Variants in C4orf33 observed in about 807,000 individuals in gnomAD.
The protein encoded by C4orf33 is UPF0462 protein C4orf33.
Under a neutral mutation model 24.3 loss-of-function variants are expected in C4orf33, and 20 were observed. That is an observed-to-expected ratio of 0.82 (90% CI 0.58 to 1.19). C4orf33 has a LOEUF of 1.19. C4orf33 is among the 50% of genes most tolerant of loss of function. The probability of loss-of-function intolerance (pLI) is 0.00; values close to 1 mark genes in which losing one functional copy is unlikely to be tolerated. For missense variants in C4orf33, 207 were observed against 225.9 expected (o/e 0.92, Z 0.54); for synonymous variants, 67 against 76.4 (o/e 0.88, Z 0.64).
At chr4:129,110,701 T>TG (rs1051473604) in intron 5 of C4orf33, among the ~76,000 whole-genome samples, 3 of 102,202 alleles carry the variant, frequency 2.9e-5, no homozygotes, top group African/African-American at 9.5e-5. Context: ...TGCCATGCTC[T>TG]TACTTTATGC....
At chr4:129,106,483 T>C in intron 2 of C4orf33, 104 bp from the exon 3 acceptor site, 2 of 607,182 alleles carry the variant, frequency 3.3e-6, no homozygotes, top group South Asian at 2.2e-5. Flanking sequence ...GATAGTATTA[T>C]AATTAAGAAT....
chr4:129,100,423 C>T (rs1023741242), intron 1 of C4orf33, among the ~76,000 whole-genome samples: 1 of 151,744 alleles, frequency 6.6e-6, no homozygotes, highest in African/African-American at 2.4e-5. Context: ...CAATGTGGTC[C>T]AGGGAAGCCA....
At chr4:129,098,076 G>C (rs758713614) in intron 1 of C4orf33, among the ~76,000 whole-genome samples, 8 of 152,108 alleles carry the variant, frequency 5.3e-5, no homozygotes, top group Non-Finnish European at 1.0e-4. Context: ...CTTTTCCCCA[G>C]ACTTTTGATT....
At chr4:129,095,072 ATTT>A (rs1561083650), upstream of C4orf33, among the ~76,000 whole-genome samples, 1 of 152,148 alleles carries the variant, frequency 6.6e-6, no homozygotes, top group Non-Finnish European at 1.5e-5. Flanking sequence ...CTGCACTCGA[ATTT>A]TTTAGCTTAC....
intron 1 of C4orf33, among the ~76,000 whole-genome samples, chr4:129,097,364 C>T (rs1277628080): frequency 6.6e-6 from 1 of 152,234 alleles, no homozygotes; most frequent in Non-Finnish European, 1.5e-5. Context: ...GAAGCAACCA[C>T]TGTTACCACT....
chr4:129,102,978 T>A, intron 2 of C4orf33, 187 bp downstream of exon 2: 1 of 419,902 alleles, frequency 2.4e-6, no homozygotes. Flanking sequence ...TTTAACTATA[T>A]AACAAAAACA....
rs556546808 is a variant in C4orf33, at chr4:129,110,578, A to G, written c.494+906A>G. Among the ~76,000 whole-genome samples, 3 of 152,238 alleles carry G rather than the reference A, an allele frequency of 2.0e-5. No individual in the cohort carries two copies. In the East Asian group the frequency reaches 5.8e-4, roughly 29 times the overall value. On this transcript the variant is annotated intron_variant, in intron 5 of 5. Transcript: ENST00000425929. ...CTCGTGAGTCTGGGCATTTGGAAGA[A>G]CCTAACAGAAACATCCTAGTGAGCA...
At chr4:129,111,608 A>G in intron 5 of C4orf33, 78 bp from the exon 6 acceptor site, 2 of 784,910 alleles carry the variant, frequency 2.5e-6, no homozygotes, top group Non-Finnish European at 4.3e-6. Flanking sequence ...TTGTGACAAA[A>G]TAAATAGCCC....
intron 3 of C4orf33, among the ~76,000 whole-genome samples, chr4:129,107,993 C>A (rs1753567687): frequency 6.6e-6 from 1 of 151,960 alleles, no homozygotes; most frequent in Non-Finnish European, 1.5e-5. Context: ...AGTTTGGTTT[C>A]TTATGTATCA....
At chr4:129,109,062 T>C (rs891288353) in intron 3 of C4orf33, among the ~76,000 whole-genome samples, 2 of 152,174 alleles carry the variant, frequency 1.3e-5, no homozygotes, top group Admixed American at 6.5e-5. Flanking sequence ...AATTTTTTCT[T>C]TGTATTTTAG....
intron 1 of C4orf33, among the ~76,000 whole-genome samples, chr4:129,099,725 G>A (rs551589460): frequency 6.6e-6 from 1 of 152,318 alleles, no homozygotes; most frequent in African/African-American, 2.4e-5. Context: ...ATGAACACAT[G>A]TTCAAATACA....
intron 1 of C4orf33, among the ~76,000 whole-genome samples, chr4:129,096,583 G>C (rs1753213731): frequency 6.6e-6 from 1 of 152,152 alleles, no homozygotes; most frequent in Non-Finnish European, 1.5e-5. Flanking sequence ...TAATGCTCCA[G>C]TGTTCGGTCT....
chr4:129,102,555 A>G (rs1304602470), intron 1 of C4orf33, 47 bp from the exon 2 acceptor site: 1 of 1,375,676 alleles, frequency 7.3e-7, no homozygotes, highest in Non-Finnish European at 1.0e-6. Context: ...ACTAAAGAAA[A>G]CATTTGTATA....
In C4orf33 at chr4:129,102,747, T is replaced by C. The variant is rs754364037; in HGVS notation, c.137T>C (p.Leu46Pro). The change falls in exon 2 of 6, where the codon CTT becomes CCT. Residue 46 changes from leucine to proline, a missense_variant. Physicochemically the swap from Leu to Pro is moderately conservative, Grantham distance 98 (BLOSUM62 -3). Transcript: ENST00000425929. ...APFFRDPPAPLGEPGKPFNEL... is the reference protein window; with the variant it reads ...APFFRDPPAPPGEPGKPFNEL... The stretch of plus-strand genomic sequence containing the variant: ...TTTTTCAGGGATCCTCCAGCCCCAC[T>C]TGGAGAACCAGGAAAACCTTTCAAT... 2 of 1,613,950 alleles carry C rather than the reference T, an allele frequency of 1.2e-6. No homozygotes were observed. The highest frequency in any genetic ancestry group is 4.5e-5 in the East Asian group (2 of 44,864).
rs376465955 is a variant in C4orf33 at position 129,106,680 on chromosome 4, T to G, written c.242+33T>G. 190 of 1,117,850 alleles carry G rather than the reference T, an allele frequency of 1.7e-4. 3 individuals are homozygous for G. The South Asian group carries it at 2.7e-3, about 16-fold the overall frequency. The allele number at this position is 1,117,850 out of a possible 1,614,324, so 69.2% of individuals were successfully genotyped here. On this transcript the variant is annotated intron_variant, in intron 3 of 5. Coordinates refer to ENST00000425929, the MANE Select transcript of C4orf33 (RefSeq NM_001099783.2). ...TAAAATGTTTTTTCTTACTTATTACTACATAATTTGAACGTGTTATTTTCT... is the reference window on the plus strand; with the variant it reads ...TAAAATGTTTTTTCTTACTTATTACGACATAATTTGAACGTGTTATTTTCT...
rs562691711 is a variant in C4orf33 at position 129,109,671 on chromosome 4, T to C, written c.493T>C (p.Phe165Leu). The C allele has an allele frequency of 1.9e-6, 3 of 1,611,094 alleles. No individual in the cohort carries two copies. The African/African-American group carries it at 4.0e-5, about 22-fold the overall frequency. ...ACTGCAGCAAGGACAAAAACCTGAT[T>C]TGTAAGTAGAAAATAAATGAAGATA... ...HELQQGQKPD[F>L]HCLEYFKSFN... Residue 165 changes from phenylalanine (F) to leucine (L), a missense_variant and splice_region_variant, in exon 5 of 6, where the codon TTC (phenylalanine) becomes CTC (leucine). By Grantham distance (22) the Phe-to-Leu change is conservative (BLOSUM62 0). Transcript: ENST00000425929.
chr4:129,109,776 T>A (rs1473345039), intron 5 of C4orf33, 104 bp downstream of exon 5: 4 of 1,032,958 alleles, frequency 3.9e-6, no homozygotes, highest in Non-Finnish European at 5.6e-6. Context: ...AGACGACATA[T>A]GTGCACAAGT....
At chr4:129,099,723 A>G (rs1332515462) in intron 1 of C4orf33, among the ~76,000 whole-genome samples, 7 of 152,220 alleles carry the variant, frequency 4.6e-5, no homozygotes, top group African/African-American at 2.4e-5. Flanking sequence ...TAATGAACAC[A>G]TGTTCAAATA....
chr4:129,094,455 G>A (rs1334517018), upstream of C4orf33, among the ~76,000 whole-genome samples: 1 of 152,172 alleles, frequency 6.6e-6, no homozygotes, highest in African/African-American at 2.4e-5. Flanking sequence ...CATAGATGCA[G>A]CTTGATTTGG....
Sources: allele counts gnomAD v4.1 joint callset (sites outside exome capture counted in the v4.1 genomes callset), GRCh38; gene constraint gnomAD v4.1.1; transcripts MANE v1.5; gene names NCBI Gene and HGNC (gene_info 2026-07-23, HGNC 2026-07-21).